Variants in DLG2 observed in about 807,000 individuals in gnomAD.
DLG2 encodes the protein discs large MAGUK scaffold protein 2.
A neutral mutation model predicts 132.5 loss-of-function variants in DLG2; 45 were observed. The observed-to-expected ratio is 0.34, with a 90% CI of 0.27 to 0.44. DLG2 has a LOEUF of 0.44. Ranked by LOEUF, DLG2 falls within the 20% of genes least tolerant of loss-of-function variation. The probability of loss-of-function intolerance (pLI) is 1.00; values close to 1 mark genes in which losing one functional copy is unlikely to be tolerated. For missense variants in DLG2, 1,045 were observed against 1,196.9 expected (o/e 0.87, Z 1.87); for synonymous variants, 424 against 419.6 (o/e 1.01, Z -0.13).
intron 8 of DLG2, among the ~76,000 whole-genome samples, chr11:84,201,957 T>TA (rs1265335120): frequency 6.6e-6 from 1 of 151,294 alleles, no homozygotes; most frequent in Non-Finnish European, 1.5e-5. Context: ...TAGCTGGGAC[T>TA]ACAGGTGCAT....
chr11:84,185,087 G>GT (rs1365734200), intron 8 of DLG2, among the ~76,000 whole-genome samples: 2 of 152,134 alleles, frequency 1.3e-5, no homozygotes, highest in Admixed American at 6.5e-5. Context: ...CTTTAAAGCA[G>GT]TTTTTTCCAA....
chr11:85,524,606 T>C (rs2153183885), intron 3 of DLG2, among the ~76,000 whole-genome samples: 1 of 152,232 alleles, frequency 6.6e-6, no homozygotes, highest in South Asian at 2.1e-4. Flanking sequence ...AATTATCTTA[T>C]CTCAGCTTCC....
At chr11:84,797,224 T>C (rs1045496458) in intron 6 of DLG2, among the ~76,000 whole-genome samples, 1 of 152,190 alleles carries the variant, frequency 6.6e-6, no homozygotes, top group African/African-American at 2.4e-5. Flanking sequence ...GGGTTAAATC[T>C]GCTTGGTATT....
At chr11:83,637,598 C>G (rs1224640833) in intron 18 of DLG2, among the ~76,000 whole-genome samples, 1 of 151,876 alleles carries the variant, frequency 6.6e-6, no homozygotes, top group African/African-American at 2.4e-5. Flanking sequence ...CGCCGTGAAG[C>G]CATTTTGTTT....
chr11:85,046,359 T>C (rs2062347080), intron 6 of DLG2, among the ~76,000 whole-genome samples: 1 of 151,968 alleles, frequency 6.6e-6, no homozygotes, highest in African/African-American at 2.4e-5. Context: ...TACAGTTAGA[T>C]AAATTTGAGC....
At chr11:85,042,086 A>G (rs2061921443) in intron 6 of DLG2, among the ~76,000 whole-genome samples, 1 of 151,780 alleles carries the variant, frequency 6.6e-6, no homozygotes, top group Admixed American at 6.6e-5. Context: ...TCAAAATTGG[A>G]AAAAAAATAA....
At chr11:85,482,456 G>C (rs894301525) in intron 3 of DLG2, among the ~76,000 whole-genome samples, 6 of 152,102 alleles carry the variant, frequency 3.9e-5, no homozygotes, top group Non-Finnish European at 7.4e-5. Flanking sequence ...GAGTCCAGGA[G>C]ACCCCAGAAG....
At chr11:84,816,931 C>A (rs2077144287) in intron 6 of DLG2, among the ~76,000 whole-genome samples, 2 of 151,960 alleles carry the variant, frequency 1.3e-5, no homozygotes, top group Non-Finnish European at 2.9e-5. Flanking sequence ...AGTCATCTAA[C>A]CTTCCTGAGA....
In DLG2 at chr11:84,112,322, CTTTTTTTTT is replaced by C. The variant is rs60021668; in HGVS notation, c.625-13284_625-13276del. 2.6e-3 allele frequency among the ~76,000 whole-genome samples: 313 copies of C among 119,208 alleles called. 1 individual carries two copies. The highest frequency in any genetic ancestry group is 4.9e-3 in the Middle Eastern group (1 of 204). 78.2% of individuals were successfully genotyped at this position (119,208 alleles called of 152,430 possible). A position where few individuals can be genotyped will look rare whatever the true frequency, so the allele number is the denominator to read the frequency against. ...CTTTTTTTTTTTCTTTTTACTTTTC[CTTTTTTTTT>C]TTTTTTTTTTTTTTTTACCACTTTT... On this transcript the variant is annotated intron_variant, in intron 9 of 27. Transcript: ENST00000376104.
chr11:84,358,645 T>G (rs2098632049), intron 7 of DLG2, among the ~76,000 whole-genome samples: 1 of 151,836 alleles, frequency 6.6e-6, no homozygotes, highest in South Asian at 2.1e-4. Flanking sequence ...ATTAAATGGC[T>G]GCTGGGACAC....
chr11:85,051,378 T>A (rs199785239), intron 6 of DLG2, among the ~76,000 whole-genome samples: 2 of 152,176 alleles, frequency 1.3e-5, no homozygotes, highest in South Asian at 2.1e-4. Flanking sequence ...TGCAGAGATA[T>A]ATACTATATA....
chr11:84,034,878 A>C (rs1199372050), intron 11 of DLG2, among the ~76,000 whole-genome samples: 1 of 152,144 alleles, frequency 6.6e-6, no homozygotes. Flanking sequence ...TTGCAGATTG[A>C]CCTTAAATGA....
At chr11:84,161,977 G>A (rs547363345) in intron 9 of DLG2, among the ~76,000 whole-genome samples, 6 of 152,066 alleles carry the variant, frequency 3.9e-5, no homozygotes, top group African/African-American at 9.7e-5. Context: ...AAGTTTCAAC[G>A]TATATTTTGG....
At chr11:85,628,107 A>C (rs1395021778), upstream of DLG2, among the ~76,000 whole-genome samples, 1 of 152,056 alleles carries the variant, frequency 6.6e-6, no homozygotes, top group Non-Finnish European at 1.5e-5. Flanking sequence ...AGAGGAGAGG[A>C]GGCTAGTCGG....
chr11:83,743,426 G>C (rs1268954782), intron 18 of DLG2, among the ~76,000 whole-genome samples: 4 of 77,912 alleles, frequency 5.1e-5, no homozygotes, highest in South Asian at 4.7e-4. Flanking sequence ...CAGTGGGCAG[G>C]CCATTTTTTT....
chr11:84,086,421 C>T (rs2096981390), intron 10 of DLG2, among the ~76,000 whole-genome samples: 1 of 151,924 alleles, frequency 6.6e-6, no homozygotes, highest in Admixed American at 6.6e-5. Context: ...AGTACAGTCA[C>T]AGAGTTGTCC....
rs112303594 is a variant in DLG2 at position 84,327,719 on chromosome 11, A to C, written c.520-76428T>G. 7.0e-3 allele frequency among the ~76,000 whole-genome samples: 1,060 copies of C among 152,268 alleles called. 15 individuals carry two copies. Among genetic ancestry groups the C allele is most frequent in the African/African-American group, 0.024 (1,010 of 41,572 alleles). Reference sequence around the variant, plus strand: ...TCTACTCTTTTACTCTTCCCCCCACATAAGAACTTTATGTTTTTGATTTTA... The same window carrying C: ...TCTACTCTTTTACTCTTCCCCCCACCTAAGAACTTTATGTTTTTGATTTTA... On this transcript the variant is annotated intron_variant, in intron 7 of 27. Coordinates refer to ENST00000376104, the MANE Select transcript of DLG2 (RefSeq NM_001142699.3).
chr11:85,163,233 A>AC (rs1288649828), intron 4 of DLG2, among the ~76,000 whole-genome samples: 5 of 152,024 alleles, frequency 3.3e-5, no homozygotes, highest in Non-Finnish European at 7.4e-5. Context: ...AGACACACAC[A>AC]CACACACACA....
intron 19 of DLG2, among the ~76,000 whole-genome samples, chr11:83,624,256 G>A (rs770545794): frequency 1.3e-5 from 2 of 152,154 alleles, no homozygotes; most frequent in Non-Finnish European, 2.9e-5. Flanking sequence ...GGAGGAAAAC[G>A]TGATGGTCAA....
Sources: gnomAD v4.1 joint callset for allele counts (sites outside exome capture counted in the v4.1 genomes callset) on GRCh38, gnomAD v4.1.1 for gene constraint, MANE v1.5 for transcripts, NCBI Gene and HGNC (gene_info 2026-07-23, HGNC 2026-07-21) for gene names.